MOSMO: variants seen among roughly 807,000 people sequenced by gnomAD.
MOSMO encodes modulator of smoothened.
Under a neutral mutation model 18.4 loss-of-function variants are expected in MOSMO, and 5 were observed. The observed-to-expected ratio is 0.27, with a 90% confidence interval of 0.14 to 0.57. MOSMO has a LOEUF of 0.57. Among genes scored for constraint, MOSMO ranks in the 20% least tolerant of loss-of-function variants. The pLI is 0.92. For synonymous variants in MOSMO, 82 were observed against 82.3 expected, an observed-to-expected ratio of 1.00 and a Z score of 0.02; for missense variants, 138 against 211.8, an observed-to-expected ratio of 0.65 and a Z score of 2.16.
chr16:22,056,919 T>G (rs1177859770), intron 1 of MOSMO, among the ~76,000 whole-genome samples: 1 of 152,212 alleles, frequency 6.6e-6, no homozygotes, highest in Non-Finnish European at 1.5e-5. Context: ...ATAATTATTA[T>G]CTGGATATGT....
At chr16:22,047,363 G>C (rs1265230292) in intron 1 of MOSMO, among the ~76,000 whole-genome samples, 1 of 150,208 alleles carries the variant, frequency 6.7e-6, no homozygotes, top group Non-Finnish European at 1.5e-5. Flanking sequence ...TCCTGTCTCA[G>C]CCTCCGGAGT....
intron 1 of MOSMO, among the ~76,000 whole-genome samples, chr16:22,009,485 T>TC (rs1899471803): frequency 6.6e-6 from 1 of 151,264 alleles, no homozygotes; most frequent in African/African-American, 2.4e-5. Flanking sequence ...CCTCCCCTCT[T>TC]CCCCCGCCTC....
At chr16:22,041,086 T>C (rs574519029) in intron 1 of MOSMO, among the ~76,000 whole-genome samples, 80 of 152,262 alleles carry the variant, frequency 5.3e-4, no homozygotes, top group African/African-American at 1.9e-3. Context: ...CTAGGGAAGA[T>C]CTTTGGATTT....
At chr16:22,071,277 G>C (rs1009384139) in intron 1 of MOSMO, among the ~76,000 whole-genome samples, 1 of 152,208 alleles carries the variant, frequency 6.6e-6, no homozygotes, top group African/African-American at 2.4e-5. Context: ...ACGTAACAGG[G>C]AGATGGAAGA....
At chr16:22,045,433 C>T (rs1179500162) in intron 1 of MOSMO, among the ~76,000 whole-genome samples, 3 of 152,098 alleles carry the variant, frequency 2.0e-5, no homozygotes, top group Non-Finnish European at 4.4e-5. Flanking sequence ...TCAGTATTGG[C>T]TCTGGGCCTT....
At chr16:22,088,408 C>T (rs1339077342), downstream of MOSMO, among the ~76,000 whole-genome samples, 1 of 152,086 alleles carries the variant, frequency 6.6e-6, no homozygotes, top group Non-Finnish European at 1.5e-5. Flanking sequence ...TGATACATAT[C>T]AAATATGTGT....
At chr16:22,034,081 C>T (rs1421280809) in intron 1 of MOSMO, among the ~76,000 whole-genome samples, 1 of 152,192 alleles carries the variant, frequency 6.6e-6, no homozygotes, top group African/African-American at 2.4e-5. Flanking sequence ...TCTAAGTTCA[C>T]TTTCAAATGA....
chr16:22,008,114 TCCGTCTGTGCGGG>T lies in MOSMO; in HGVS notation c.-184_-172del, dbSNP rs1203798830. On this transcript the variant is annotated 5_prime_UTR_variant, in exon 1 of 3. Coordinates refer to ENST00000542527, the MANE Select transcript of MOSMO (RefSeq NM_001164579.2). ...GAGCAGTTCCGGGGCGGGCGGCGGT[TCCGTCTGTGCGGG>T]CCGCGCCGCGGCTGCTGGTCCCGGG... 5 of 147,164 alleles carry T rather than the reference TCCGTCTGTGCGGG, an allele frequency of 3.4e-5. No individual in the cohort carries two copies. Among genetic ancestry groups the T allele is most frequent in the African/African-American group, 5.0e-5 (2 of 40,392 alleles). 9.1% of individuals were successfully genotyped at this position (147,164 alleles called of 1,614,324 possible). A position where few individuals can be genotyped will look rare whatever the true frequency, so the allele number is the denominator to read the frequency against.
chr16:22,054,686 T>C (rs556138843), intron 1 of MOSMO, among the ~76,000 whole-genome samples: 19 of 152,338 alleles, frequency 1.2e-4, no homozygotes, highest in African/African-American at 4.6e-4. Flanking sequence ...TGCTGAACAA[T>C]TTAAATGCAC....
chr16:22,041,382 G>A (rs1900207348), intron 1 of MOSMO, among the ~76,000 whole-genome samples: 1 of 152,124 alleles, frequency 6.6e-6, no homozygotes, highest in Admixed American at 6.6e-5. Flanking sequence ...GAATAACATG[G>A]GAATTTTGTT....
rs1203229747 is a variant in MOSMO, at chr16:22,083,416, T to C, written c.*2536T>C. 2 of 257,724 alleles carry C rather than the reference T, an allele frequency of 7.8e-6. No individual in the cohort carries two copies. Among genetic ancestry groups the C allele is most frequent in the Admixed American group, 5.6e-5 (1 of 17,850 alleles). The allele number at this position is 257,724 out of a possible 1,614,324, so 16.0% of individuals were successfully genotyped here. On this transcript the variant is annotated 3_prime_UTR_variant, in exon 3 of 3. Transcript: ENST00000542527. ...TCTAACCCAGGATTAAACCATCCCA[T>C]CAAGTAGTATGTGAAGTCAAGTCTT...
chr16:22,072,533 T>A (rs1900875639), intron 1 of MOSMO, among the ~76,000 whole-genome samples: 1 of 152,164 alleles, frequency 6.6e-6, no homozygotes. Flanking sequence ...GTGTATTGGC[T>A]GGGTGCGGTG....
chr16:22,058,853 C>T (rs1187577911), intron 1 of MOSMO, among the ~76,000 whole-genome samples: 1 of 152,272 alleles, frequency 6.6e-6, no homozygotes, highest in Non-Finnish European at 1.5e-5. Flanking sequence ...GAGTCATTGT[C>T]TTTTAGGTGA....
At chr16:22,055,086 T>G (rs1900506034) in intron 1 of MOSMO, among the ~76,000 whole-genome samples, 1 of 152,148 alleles carries the variant, frequency 6.6e-6, no homozygotes, top group Non-Finnish European at 1.5e-5. Flanking sequence ...CACTGAAAAG[T>G]CTTGCCTTCT....
intron 1 of MOSMO, among the ~76,000 whole-genome samples, chr16:22,011,340 G>T (rs565736012): frequency 1.6e-3 from 242 of 152,268 alleles, no homozygotes; most frequent in Non-Finnish European, 3.1e-3. Context: ...TAATGTGAAG[G>T]CTTCATTCAA....
At chr16:22,041,795 T>C (rs1412569642) in intron 1 of MOSMO, among the ~76,000 whole-genome samples, 1 of 152,022 alleles carries the variant, frequency 6.6e-6, no homozygotes, top group East Asian at 1.9e-4. Flanking sequence ...CCACCTCATA[T>C]TCCTTAGTAG....
intron 1 of MOSMO, among the ~76,000 whole-genome samples, chr16:22,042,676 C>T (rs1900232053): frequency 6.6e-6 from 1 of 152,196 alleles, no homozygotes; most frequent in South Asian, 2.1e-4. Flanking sequence ...CCACCCAGTG[C>T]TCTATTACCA....
intron 1 of MOSMO, chr16:22,064,245 C>T (rs1900706443): frequency 4.4e-6 from 2 of 454,114 alleles, no homozygotes; most frequent in Admixed American, 2.4e-5. Flanking sequence ...AATGTTTAGT[C>T]TTTTTGTTAA....
chr16:22,036,163 C>G (rs1598006555), intron 1 of MOSMO, among the ~76,000 whole-genome samples: 2 of 152,106 alleles, frequency 1.3e-5, no homozygotes, highest in East Asian at 3.8e-4. Flanking sequence ...GTCTCGCTCT[C>G]TCTCCCAGGC....
Sources: gnomAD v4.1 joint callset for allele counts (sites outside exome capture counted in the v4.1 genomes callset) on GRCh38, gnomAD v4.1.1 for gene constraint, MANE v1.5 for transcripts, NCBI Gene and HGNC (gene_info 2026-07-23, HGNC 2026-07-21) for gene names.